CAPNS1: variants seen among roughly 807,000 people sequenced by gnomAD.
The protein encoded by CAPNS1 is calpain small subunit 1, also known as CANP small subunit.
Under a neutral mutation model 39.2 loss-of-function variants are expected in CAPNS1, and 32 were observed. The ratio of observed to expected loss-of-function variants is 0.82; its 90% confidence interval spans 0.62 to 1.10. CAPNS1 has a LOEUF of 1.10. CAPNS1 is among the 50% of genes least tolerant of loss of function. The pLI, the probability that CAPNS1 is intolerant of heterozygous loss-of-function variation, is 0.00. For synonymous variants in CAPNS1, 153 were observed against 136.2 expected (o/e 1.12, Z -0.86); for missense variants, 353 against 373.1 (o/e 0.95, Z 0.44).
chr19:36,146,002 C>T lies in CAPNS1; in HGVS notation c.552C>T (p.Asp184=), dbSNP rs562043585. 1 of 1,614,200 alleles carries T rather than the reference C, an allele frequency of 6.2e-7. No homozygotes were observed. Among genetic ancestry groups the T allele is most frequent in the African/African-American group, 1.3e-5 (1 of 75,050 alleles). ...WQAIYKQFDT[D]RSGTICSSEL... is the part of the protein sequence containing the mutation. ...CCATATACAAACAGTTCGACACTGA[C>T]CGATCAGGGACCATTTGCAGTAGTG... Residue 184 remains aspartate (D), a synonymous_variant, in exon 8 of 11, where the codon GAC becomes GAT. Coordinates refer to ENST00000246533, the MANE Select transcript of CAPNS1 (RefSeq NM_001749.4).
intron 1 of CAPNS1, chr19:36,140,761 C>T (rs879638325): frequency 1.4e-4 from 69 of 484,078 alleles, no homozygotes; most frequent in Non-Finnish European, 2.0e-4. Context: ...CCCCTTCACG[C>T]GTGCACCCAG....
At chr19:36,146,703 A>G (rs17882574) in intron 9 of CAPNS1, among the ~76,000 whole-genome samples, 14,776 of 152,206 alleles carry the variant, frequency 0.097, 806 homozygotes, top group African/African-American at 0.11. Flanking sequence ...GGCTCACTGG[A>G]GAGGGAACAT....
rs777067534 is a variant in CAPNS1, at chr19:36,142,315, G to A, written c.225G>A (p.Gln75=). 1.3e-6 allele frequency: 2 copies of A among 1,583,752 alleles called. No individual in the cohort carries two copies. The highest frequency in any genetic ancestry group is 1.8e-5 in the Admixed American group (1 of 57,142). Residue 75 remains glutamine (Q), a synonymous_variant, in exon 3 of 11, where the codon CAG becomes CAA. Coordinates refer to ENST00000246533, the MANE Select transcript of CAPNS1 (RefSeq NM_001749.4). ...VISAISEAAA[Q]YNPEPPPPRT... is the part of the protein sequence containing the mutation. ...CTCTTCGCAGCGAGGCGGCTGCGCAGTACAACCCGGAGCCCCCGGTAAGCC... is the reference window on the plus strand; with the variant it reads ...CTCTTCGCAGCGAGGCGGCTGCGCAATACAACCCGGAGCCCCCGGTAAGCC...
intron 6 of CAPNS1, among the ~76,000 whole-genome samples, chr19:36,143,756 G>A (rs1599878995): frequency 6.6e-6 from 1 of 151,070 alleles, no homozygotes; most frequent in East Asian, 1.9e-4. Context: ...CCAGCTATTC[G>A]GGAGGCTGAA....
At position 36,140,877 on chromosome 19, in the gene CAPNS1, C is replaced by T. The variant is rs750315528; in HGVS notation, c.-15-120C>T. 545 of 1,503,518 alleles carry T rather than the reference C, an allele frequency of 3.6e-4. 2 individuals carry two copies. Among genetic ancestry groups the T allele is most frequent in the Admixed American group, 3.6e-4 (18 of 50,256 alleles). The allele number at this position is 1,503,518 out of a possible 1,614,324, so 93.1% of individuals were successfully genotyped here. On this transcript the variant is annotated intron_variant, in intron 1 of 10. Coordinates refer to ENST00000246533, the MANE Select transcript of CAPNS1 (RefSeq NM_001749.4). ...TCCGCGGACAACCCGCCCTCGCAAA[C>T]TCAGACCCCCACCCGGAGGCTTCAG... is the stretch of plus-strand genomic sequence containing the variant.
intron 4 of CAPNS1, 54 bp from the exon 5 acceptor site, chr19:36,142,855 C>T: frequency 6.2e-7 from 1 of 1,601,554 alleles, no homozygotes; most frequent in South Asian, 1.1e-5. Flanking sequence ...TTCTCCATGA[C>T]ATTCTCAGAC....
chr19:36,149,884 C>T lies in CAPNS1; in HGVS notation c.*45C>T, dbSNP rs368705051. 2.8e-5 allele frequency: 39 copies of T among 1,398,516 alleles called. No homozygotes were observed. Among genetic ancestry groups the T allele is most frequent in the Non-Finnish European group, 3.4e-5 (36 of 1,067,366 alleles). The allele number at this position is 1,398,516 out of a possible 1,614,324, so 86.6% of individuals were successfully genotyped here. On this transcript the variant is annotated 3_prime_UTR_variant, in exon 11 of 11. Coordinates refer to ENST00000246533, the MANE Select transcript of CAPNS1 (RefSeq NM_001749.4). ...CCCCTCACTGCCTTGCTATAGGAGT[C>T]ACCTGGAGCCTCGGTCTCTCCCAGG...
chr19:36,141,253 G>T, intron 2 of CAPNS1, 33 bp downstream of exon 2: 1 of 1,501,592 alleles, frequency 6.7e-7, no homozygotes, highest in Non-Finnish European at 8.8e-7. Context: ...GGCGGGGCCT[G>T]GGAATGGGAG....
chr19:36,142,779 TC>T lies in CAPNS1; in HGVS notation c.333+40del, dbSNP rs369323031. 5.9e-4 allele frequency: 941 copies of T among 1,595,776 alleles called. 5 individuals carry two copies. The African/African-American group carries it at 9.9e-3, about 17-fold the overall frequency. Reference sequence around the variant, plus strand: ...GGGTCCCTGGCCCCGTCCTAACCGTTCCATCCCTTCCCTTGTGGCTGCCCTT... The same window carrying T: ...GGGTCCCTGGCCCCGTCCTAACCGTTCATCCCTTCCCTTGTGGCTGCCCTT... On this transcript the variant is annotated intron_variant, in intron 4 of 10. Transcript: ENST00000246533.
chr19:36,148,742 G>A (rs576498736), intron 9 of CAPNS1, among the ~76,000 whole-genome samples: 1 of 152,186 alleles, frequency 6.6e-6, no homozygotes, highest in Non-Finnish European at 1.5e-5. Context: ...GAACCTGGGA[G>A]GCAAAGGTTG....
At chr19:36,147,751 C>G (rs17878980) in intron 9 of CAPNS1, among the ~76,000 whole-genome samples, 2 of 147,332 alleles carry the variant, frequency 1.4e-5, no homozygotes, top group East Asian at 2.0e-4. Context: ...GGTGACAGAT[C>G]GAGACTCCGT....
rs1022998901 is a variant in CAPNS1 at position 36,140,120 on chromosome 19, A to C, written c.-53A>C. 2 of 152,146 alleles carry C rather than the reference A, an allele frequency of 1.3e-5. No homozygotes were observed. The highest frequency in any genetic ancestry group is 4.8e-5 in the African/African-American group (2 of 41,412). 9.4% of individuals were successfully genotyped at this position (152,146 alleles called of 1,614,324 possible). A position where few individuals can be genotyped will look rare whatever the true frequency, so the allele number is the denominator to read the frequency against. On this transcript the variant is annotated 5_prime_UTR_variant, in exon 1 of 11. Transcript: ENST00000246533. ...ACGCTGCGGGAGGCCCGGGAGCGGC[A>C]GTGGAACCGACTCCCAGAACTCCGG...
intron 1 of CAPNS1, chr19:36,140,548 T>G (rs1315638764): frequency 1.3e-5 from 2 of 156,356 alleles, no homozygotes; most frequent in African/African-American, 4.8e-5. Flanking sequence ...ATACCTAAAT[T>G]CTCAAGCCCA....
chr19:36,149,621 G>T lies in CAPNS1; in HGVS notation c.765G>T (p.Gln255His). ...SLDKDGTGQI[Q>H]VNIQEWLQLT... The stretch of plus-strand genomic sequence containing the variant: ...ACAAAGATGGCACTGGACAAATCCA[G>T]GTGAACATCCAGGAGGTAAGGACCC... The change falls in exon 10 of 11, where the codon CAG becomes CAT. Residue 255 changes from glutamine to histidine, a missense_variant. Transcript: ENST00000246533. 6.5e-7 allele frequency: 1 copy of T among 1,544,288 alleles called. No homozygotes were observed. Among genetic ancestry groups the T allele is most frequent in the Non-Finnish European group, 8.7e-7 (1 of 1,147,442 alleles).
rs1025915173 is a variant in CAPNS1 at position 36,141,228 on chromosome 19, G to T, written c.209+8G>T. 4.0e-6 allele frequency: 6 copies of T among 1,518,138 alleles called. No homozygotes were observed. Among genetic ancestry groups the T allele is most frequent in the African/African-American group, 1.4e-5 (1 of 69,226 alleles). The allele number at this position is 1,518,138 out of a possible 1,614,324, so 94.0% of individuals were successfully genotyped here. A position where few individuals can be genotyped will look rare whatever the true frequency, so the allele number is the denominator to read the frequency against. ...AGTCATCAGCGCCATCAGGTAAGGC[G>T]GAGACTATCAGAGGGGCGGGGCCTG... is the stretch of plus-strand genomic sequence containing the variant. On this transcript the variant is annotated splice_region_variant and intron_variant, in intron 2 of 10. Transcript: ENST00000246533.
In CAPNS1 at chr19:36,142,755, G is replaced by T. The variant is rs1454686582; in HGVS notation, c.333+14G>T. On this transcript the variant is annotated intron_variant, in intron 4 of 10. Transcript: ENST00000246533. Reference sequence around the variant, plus strand: ...CTGGCTGGAGATGTAAGTAACCTGGGGTCCCTGGCCCCGTCCTAACCGTTC... The same window carrying T: ...CTGGCTGGAGATGTAAGTAACCTGGTGTCCCTGGCCCCGTCCTAACCGTTC... 2 of 1,611,758 alleles carry T rather than the reference G, an allele frequency of 1.2e-6. No homozygotes were observed. Among genetic ancestry groups the T allele is most frequent in the Middle Eastern group, 1.7e-4 (1 of 6,060 alleles).
chr19:36,143,753 T>C (rs1467242433), intron 6 of CAPNS1, among the ~76,000 whole-genome samples: 3 of 144,140 alleles, frequency 2.1e-5, no homozygotes, highest in South Asian at 2.2e-4. Context: ...GTCCCAGCTA[T>C]TCGGGAGGCT....
chr19:36,145,530 T>G (rs1462456628), intron 6 of CAPNS1: 2 of 379,022 alleles, frequency 5.3e-6, no homozygotes, highest in African/African-American at 2.0e-5. Flanking sequence ...AATGAGCAAT[T>G]AACAACTCTT....
chr19:36,142,846 T>C, intron 4 of CAPNS1, 63 bp from the exon 5 acceptor site: 1 of 1,597,636 alleles, frequency 6.3e-7, no homozygotes, highest in South Asian at 1.1e-5. Flanking sequence ...GTGTTCCCAT[T>C]CTCCATGACA....
Sources: allele counts gnomAD v4.1 joint callset (sites outside exome capture counted in the v4.1 genomes callset), GRCh38; gene constraint gnomAD v4.1.1; transcripts MANE v1.5; gene names NCBI Gene and HGNC (gene_info 2026-07-23, HGNC 2026-07-21).